The following PCID2 variants were observed in gnomAD, a reference collection of about 807,000 sequenced individuals.
PCID2 encodes the protein PCI domain-containing protein 2.
A neutral mutation model predicts 61.3 loss-of-function variants in PCID2; 41 were observed. The observed-to-expected ratio is 0.67, with a 90% CI of 0.52 to 0.87. The LOEUF is 0.87. Ranked by LOEUF, PCID2 falls within the 40% of genes least tolerant of loss-of-function variation. The pLI, the probability that PCID2 is intolerant of heterozygous loss-of-function variation, is 0.00. For missense variants in PCID2, 392 were observed against 493.4 expected (o/e 0.79, Z 1.95); for synonymous variants, 187 against 177.8 (o/e 1.05, Z -0.41).
At chr13:113,172,524 C>T in the PCID2 span, 9 of 306,698 alleles carry the variant, frequency 2.9e-5, no homozygotes, top group South Asian at 2.6e-4. Context: ...AGAAAGTGAC[C>T]TCCTCTGTTG....
chr13:113,169,817 C>A, the PCID2 span, among the ~76,000 whole-genome samples: 1 of 152,380 alleles, frequency 6.6e-6, no homozygotes, highest in East Asian at 1.9e-4. Flanking sequence ...CATAATTAGT[C>A]TCCATGTACA....
chr13:113,182,850 T>C (rs1413402924), intron 9 of PCID2, among the ~76,000 whole-genome samples: 3 of 152,236 alleles, frequency 2.0e-5, no homozygotes, highest in African/African-American at 7.2e-5. Context: ...TGAGGGAACC[T>C]AAGTCATTTT....
intron 7 of PCID2, chr13:113,186,705 C>T (rs999149102): frequency 1.3e-5 from 2 of 152,250 alleles, no homozygotes; most frequent in Non-Finnish European, 2.9e-5. Flanking sequence ...CACTGTGTTC[C>T]AGCTGCCTAC....
At chr13:113,196,270 G>A (rs774029189) in intron 4 of PCID2, 48 bp from the exon 5 acceptor site, 95 of 1,368,606 alleles carry the variant, frequency 6.9e-5, no homozygotes, top group Non-Finnish European at 3.1e-5. Flanking sequence ...ATAATGCTAC[G>A]TACGATAAAA....
chr13:113,167,718 T>G, the PCID2 span, among the ~76,000 whole-genome samples: 1 of 152,240 alleles, frequency 6.6e-6, no homozygotes, highest in African/African-American at 2.4e-5. Flanking sequence ...TATAATTGGC[T>G]TTCATTTTTA....
At chr13:113,185,446 A>G (rs759311694) in intron 8 of PCID2, 39 bp downstream of exon 8, 8 of 1,468,380 alleles carry the variant, frequency 5.4e-6, no homozygotes, top group Non-Finnish European at 7.6e-6. Flanking sequence ...AGGACAATCG[A>G]AAATTGTAAA....
chr13:113,197,386 A>C, intron 3 of PCID2, 143 bp from the exon 4 acceptor site: 1 of 658,036 alleles, frequency 1.5e-6, no homozygotes, highest in South Asian at 1.7e-5. Flanking sequence ...GGCTGAACAC[A>C]AACAGGTGAG....
At chr13:113,177,403 CT>C (rs2037219853), downstream of PCID2, 3 of 152,112 alleles carry the variant, frequency 2.0e-5, no homozygotes, top group South Asian at 6.2e-4. Context: ...TCTGAAAGTG[CT>C]GGGATTACAG....
At position 113,185,489 on chromosome 13, in the gene PCID2, A is replaced by G; in HGVS notation, c.539T>C (p.Phe180Ser). ...FLVNQLFKIY[F>S]KINKLHLCKP... Reference sequence around the variant, plus strand: ...AGGATTCAAACAGAAGCACACCTTGAAGTAGATTTTAAACAGCTGGTTCAC... The same window carrying G: ...AGGATTCAAACAGAAGCACACCTTGGAGTAGATTTTAAACAGCTGGTTCAC... Residue 180 changes from phenylalanine (F) to serine (S), a missense_variant, in exon 8 of 14, where the codon TTC becomes TCC. This residue lies in a region of PCID2 where 226 missense variants were observed against 296.5 expected (regional missense o/e 0.76). Transcript: ENST00000337344. 2 of 1,608,896 alleles carry G rather than the reference A, an allele frequency of 1.2e-6. No homozygotes were observed. Among genetic ancestry groups the G allele is most frequent in the Non-Finnish European group, 8.5e-7 (1 of 1,175,210 alleles).
chr13:113,199,934 C>T (rs997234744), intron 2 of PCID2, among the ~76,000 whole-genome samples: 4 of 152,154 alleles, frequency 2.6e-5, no homozygotes, highest in Admixed American at 6.5e-5. Context: ...TAAAGGGTGT[C>T]AATGAGGAAA....
At chr13:113,175,548 C>T (rs1289242615), downstream of PCID2, among the ~76,000 whole-genome samples, 2 of 152,190 alleles carry the variant, frequency 1.3e-5, no homozygotes, top group Admixed American at 6.5e-5. Flanking sequence ...TGCAAGAGAA[C>T]GGGGCCCCAC....
downstream of PCID2, among the ~76,000 whole-genome samples, chr13:113,176,532 T>C (rs493181): frequency 0.77 from 34,509 of 44,676 alleles, 13,772 homozygotes; most frequent in Middle Eastern, 0.92. Flanking sequence ...GAGGCCGAGG[T>C]GGGGGAATTG....
At chr13:113,187,091 A>G (rs1403233643) in intron 7 of PCID2, 2 of 152,218 alleles carry the variant, frequency 1.3e-5, no homozygotes, top group Non-Finnish European at 2.9e-5. Context: ...AAAGTCTCTC[A>G]AGGTCTCGTT....
chr13:113,190,482 G>A (rs1262682224), intron 7 of PCID2, among the ~76,000 whole-genome samples: 1 of 151,996 alleles, frequency 6.6e-6, no homozygotes, highest in East Asian at 1.9e-4. Context: ...CTTCTTCACT[G>A]GTAAAGAGAG....
At chr13:113,195,730 A>G (rs963792335) in intron 5 of PCID2, among the ~76,000 whole-genome samples, 1 of 152,194 alleles carries the variant, frequency 6.6e-6, no homozygotes, top group African/African-American at 2.4e-5. Context: ...TTCAGTATAA[A>G]CAAATTTCAG....
At chr13:113,202,082 G>T (rs964076363) in intron 1 of PCID2, among the ~76,000 whole-genome samples, 2 of 152,146 alleles carry the variant, frequency 1.3e-5, no homozygotes, top group African/African-American at 4.8e-5. Flanking sequence ...CAACTAGAAG[G>T]CTCACACATT....
chr13:113,178,892 C>A, intron 13 of PCID2, 74 bp downstream of exon 13: 1 of 1,475,102 alleles, frequency 6.8e-7, no homozygotes, highest in South Asian at 1.3e-5. Context: ...TTAACACCAC[C>A]ACACTGAAGC....
chr13:113,173,178 A>C (rs2037144053), downstream of PCID2, among the ~76,000 whole-genome samples: 1 of 152,192 alleles, frequency 6.6e-6, no homozygotes, highest in Non-Finnish European at 1.5e-5. Context: ...GTTATCACCC[A>C]GTCCATGGTA....
intron 1 of PCID2, 144 bp from the exon 2 acceptor site, chr13:113,200,660 T>C: frequency 1.7e-6 from 1 of 576,744 alleles, no homozygotes; most frequent in Non-Finnish European, 3.1e-6. Context: ...ATGTAACAGA[T>C]GGTCACTACT....
Sources: allele counts gnomAD v4.1 joint callset (sites outside exome capture counted in the v4.1 genomes callset), GRCh38; gene constraint gnomAD v4.1.1; regional missense constraint gnomAD v4.1.1; transcripts MANE v1.5; gene names NCBI Gene and HGNC (gene_info 2026-07-23, HGNC 2026-07-21).